Variants in ARHGAP44 observed in about 807,000 individuals in gnomAD.
ARHGAP44 encodes Rho GTPase activating protein 44, also known as rho GTPase-activating protein 44.
A neutral mutation model predicts 106.8 loss-of-function variants in ARHGAP44; 43 were observed. The observed-to-expected ratio is 0.40, with a 90% CI of 0.32 to 0.52. ARHGAP44 has a LOEUF of 0.52. Among genes scored for constraint, ARHGAP44 ranks in the 20% least tolerant of loss-of-function variants. The pLI, the probability that ARHGAP44 is intolerant of heterozygous loss-of-function variation, is 0.48. For synonymous variants in ARHGAP44, 439 were observed against 410.3 expected, an observed-to-expected ratio of 1.07 and a Z score of -0.85; for missense variants, 866 against 1,050.5, an observed-to-expected ratio of 0.82 and a Z score of 2.43.
At chr17:12,897,188 C>G (rs1197158450) in intron 3 of ARHGAP44, among the ~76,000 whole-genome samples, 1 of 152,136 alleles carries the variant, frequency 6.6e-6, no homozygotes, top group African/African-American at 2.4e-5. Context: ...GGCTTTATTA[C>G]AAGGGATATA....
intron 1 of ARHGAP44, among the ~76,000 whole-genome samples, chr17:12,832,553 T>A (rs1036958907): frequency 6.6e-6 from 1 of 152,192 alleles, no homozygotes; most frequent in African/African-American, 2.4e-5. Context: ...GTCTGGTCCC[T>A]AGGCAAGAAG....
In ARHGAP44 at chr17:12,954,062, G is replaced by GTTTTT. The variant is rs79278587; in HGVS notation, c.1136+1492_1136+1496dup. On this transcript the variant is annotated intron_variant, in intron 13 of 20. Transcript: ENST00000379672. ...GCCACCATGCCTGGCTAATTTTTGT[G>GTTTTT]TTTTTTTTTTTTTTTAGTAGAGACG... Among the ~76,000 whole-genome samples the GTTTTT allele has an allele frequency of 3.3e-3, 464 of 139,790 alleles. 2 individuals are homozygous for GTTTTT. Among genetic ancestry groups the GTTTTT allele is most frequent in the African/African-American group, 0.011 (421 of 38,058 alleles). The allele number at this position is 139,790 out of a possible 152,430, so 91.7% of individuals were successfully genotyped here. A position where few individuals can be genotyped will look rare whatever the true frequency, so the allele number is the denominator to read the frequency against.
intron 5 of ARHGAP44, among the ~76,000 whole-genome samples, chr17:12,918,297 C>T (rs985475874): frequency 1.4e-4 from 22 of 152,346 alleles, no homozygotes. Flanking sequence ...CAGAACATTA[C>T]TCATCCCTGC....
chr17:12,854,984 A>G (rs569044919), intron 1 of ARHGAP44, among the ~76,000 whole-genome samples: 1 of 149,088 alleles, frequency 6.7e-6, no homozygotes, highest in Non-Finnish European at 1.5e-5. Context: ...AAAAAAAAAG[A>G]AGCAGTGTCT....
rs184727307 is a variant in ARHGAP44, at chr17:12,830,760, T to C, written c.53+40869T>C. 2.0e-3 allele frequency among the ~76,000 whole-genome samples: 303 copies of C among 152,300 alleles called. 1 individual carries two copies. Among genetic ancestry groups the C allele is most frequent in the African/African-American group, 6.8e-3 (283 of 41,554 alleles). On this transcript the variant is annotated intron_variant, in intron 1 of 20. Transcript: ENST00000379672. ...ATGTTATTATTTTTTTTCCTTTTGA[T>C]AGGGAGCTATTCCTGACAGCTCTCA... is the stretch of plus-strand genomic sequence containing the variant.
chr17:12,903,114 GAGAGAGAGAGAGGA>G (rs746208762), intron 3 of ARHGAP44, among the ~76,000 whole-genome samples: 21 of 77,906 alleles, frequency 2.7e-4, no homozygotes, highest in East Asian at 7.7e-4. Flanking sequence ...GAGAGAGAGA[GAGAGAGAGAGAGGA>G]GAGAGAGAGA....
At chr17:12,896,630 C>T in intron 3 of ARHGAP44, 119 bp downstream of exon 3, 2 of 825,854 alleles carry the variant, frequency 2.4e-6, no homozygotes, top group East Asian at 2.7e-5. Flanking sequence ...TGAGAATTGA[C>T]TCAGCAGCTC....
At chr17:12,964,874 C>T (rs913137648) in intron 16 of ARHGAP44, among the ~76,000 whole-genome samples, 1 of 152,180 alleles carries the variant, frequency 6.6e-6, no homozygotes, top group Admixed American at 6.5e-5. Flanking sequence ...CAGATAACTG[C>T]CATCTTCCCC....
At chr17:12,966,802 C>T (rs2039402230) in intron 16 of ARHGAP44, among the ~76,000 whole-genome samples, 1 of 152,190 alleles carries the variant, frequency 6.6e-6, no homozygotes, top group Non-Finnish European at 1.5e-5. Context: ...GAACACTTCA[C>T]AGCCATGTAT....
intron 1 of ARHGAP44, among the ~76,000 whole-genome samples, chr17:12,837,770 A>G (rs1490209541): frequency 1.3e-5 from 2 of 152,156 alleles, no homozygotes; most frequent in Non-Finnish European, 1.5e-5. Flanking sequence ...GAACCTGGGT[A>G]AATAACGTTA....
chr17:12,923,112 A>G (rs959490200), intron 6 of ARHGAP44, among the ~76,000 whole-genome samples: 1 of 152,334 alleles, frequency 6.6e-6, no homozygotes, highest in South Asian at 2.1e-4. Context: ...TTGTTTTCAT[A>G]TAAACTTGAT....
In ARHGAP44 at chr17:12,789,867, A is replaced by G. The variant is rs2033680073; in HGVS notation, c.29A>G (p.Gln10Arg). 6.6e-7 allele frequency: 1 copy of G among 1,522,370 alleles called. No homozygotes were observed. The highest frequency in any genetic ancestry group is 8.8e-7 in the Non-Finnish European group (1 of 1,138,612). The allele number at this position is 1,522,370 out of a possible 1,614,324, so 94.3% of individuals were successfully genotyped here. The stretch of plus-strand genomic sequence containing the variant: ...AAGAAGCAGTTCAATCGCATGCGCC[A>G]GCTGGCCAACCAGACGGTGGGCAGG... The part of the protein sequence containing the change: MKKQFNRMR[Q>R]LANQTVGRAE... Residue 10 changes from glutamine (Q) to arginine (R), a missense_variant, in exon 1 of 21, where the codon CAG becomes CGG. Gln to Arg is a conservative substitution (Grantham distance 43, BLOSUM62 1). This residue lies in a region of ARHGAP44 where 448 missense variants were observed against 646.9 expected (regional missense o/e 0.69). Coordinates refer to ENST00000379672, the MANE Select transcript of ARHGAP44 (RefSeq NM_014859.6).
intron 10 of ARHGAP44, among the ~76,000 whole-genome samples, chr17:12,944,843 C>T (rs954404551): frequency 1.3e-5 from 2 of 151,856 alleles, no homozygotes; most frequent in African/African-American, 4.8e-5. Flanking sequence ...TCCTTCTCTT[C>T]TTCTGCCTCT....
At chr17:12,808,438 C>A (rs1403184151) in intron 1 of ARHGAP44, among the ~76,000 whole-genome samples, 3 of 152,238 alleles carry the variant, frequency 2.0e-5, no homozygotes, top group Non-Finnish European at 4.4e-5. Flanking sequence ...TTCCATACAT[C>A]CTCTGAAATC....
chr17:12,873,869 A>C (rs1300158216), intron 1 of ARHGAP44, among the ~76,000 whole-genome samples: 2 of 152,162 alleles, frequency 1.3e-5, no homozygotes, highest in African/African-American at 4.8e-5. Flanking sequence ...ACGCCATTGC[A>C]CTCCAGCCTG....
intron 1 of ARHGAP44, among the ~76,000 whole-genome samples, chr17:12,888,898 T>C (rs2036960429): frequency 6.6e-6 from 1 of 152,214 alleles, no homozygotes; most frequent in Non-Finnish European, 1.5e-5. Context: ...GACATTAATA[T>C]AGATACTTCT....
intron 1 of ARHGAP44, among the ~76,000 whole-genome samples, chr17:12,879,687 A>G (rs2036664576): frequency 9.6e-6 from 1 of 104,172 alleles, no homozygotes; most frequent in African/African-American, 2.8e-5. Context: ...GTATGTGTAT[A>G]TATATATATA....
At chr17:12,938,188 A>G (rs917512810) in intron 7 of ARHGAP44, among the ~76,000 whole-genome samples, 2 of 152,238 alleles carry the variant, frequency 1.3e-5, no homozygotes, top group African/African-American at 4.8e-5. Context: ...TTGACAATAT[A>G]ATGACAAGAA....
chr17:12,856,055 C>T (rs776318749), intron 1 of ARHGAP44, among the ~76,000 whole-genome samples: 4 of 152,188 alleles, frequency 2.6e-5, no homozygotes, highest in African/African-American at 4.8e-5. Flanking sequence ...TAATGATAGC[C>T]GGTATCCCCG....
Sources: allele counts gnomAD v4.1 joint callset (sites outside exome capture counted in the v4.1 genomes callset), GRCh38; gene constraint gnomAD v4.1.1; regional missense constraint gnomAD v4.1.1; transcripts MANE v1.5; gene names NCBI Gene and HGNC (gene_info 2026-07-23, HGNC 2026-07-21).